DLG2: variants seen among roughly 807,000 people sequenced by gnomAD.
DLG2 encodes disks large homolog 2.
DLG2 carries 45 observed loss-of-function variants against 132.5 expected under a neutral mutation model. The ratio of observed to expected loss-of-function variants is 0.34; its 90% CI spans 0.27 to 0.44. The LOEUF (loss-of-function observed/expected upper bound fraction) is 0.44. Ranked by LOEUF, DLG2 falls within the 20% of genes least tolerant of loss-of-function variation. The pLI is 1.00. For synonymous variants in DLG2, 424 were observed against 419.6 expected (o/e 1.01, Z -0.13); for missense variants, 1,045 against 1,196.9 (o/e 0.87, Z 1.87).
chr11:83,811,904 T>A (rs1021268066), intron 17 of DLG2, among the ~76,000 whole-genome samples: 1 of 152,148 alleles, frequency 6.6e-6, no homozygotes, highest in African/African-American at 2.4e-5. Context: ...GCTGTATATG[T>A]GGCAGAGACT....
chr11:85,272,804 T>G (rs2077624365), intron 4 of DLG2, among the ~76,000 whole-genome samples: 1 of 152,054 alleles, frequency 6.6e-6, no homozygotes, highest in Non-Finnish European at 1.5e-5. Context: ...AAGACAATAC[T>G]AAGCAAAAAG....
intron 3 of DLG2, among the ~76,000 whole-genome samples, chr11:85,343,278 T>C (rs1488784204): frequency 6.6e-6 from 1 of 152,194 alleles, no homozygotes; most frequent in Non-Finnish European, 1.5e-5. Flanking sequence ...GGGACAAAAC[T>C]AGTAGCCCTT....
chr11:84,042,228 T>C (rs951374054), intron 11 of DLG2, among the ~76,000 whole-genome samples: 4 of 151,904 alleles, frequency 2.6e-5, no homozygotes, highest in African/African-American at 9.7e-5. Flanking sequence ...GCCAACTATA[T>C]TATAAACTAA....
intron 6 of DLG2, among the ~76,000 whole-genome samples, chr11:84,944,506 C>T (rs369333509): frequency 4.5e-4 from 69 of 151,926 alleles, no homozygotes; most frequent in African/African-American, 9.9e-4. Context: ...TGATCAGTTC[C>T]GCTGTTGAGA....
chr11:84,636,010 T>C (rs1290400194), intron 6 of DLG2, among the ~76,000 whole-genome samples: 1 of 152,254 alleles, frequency 6.6e-6, no homozygotes, highest in African/African-American at 2.4e-5. Context: ...TAGTTTACCA[T>C]GGTTTGAGAA....
intron 6 of DLG2, among the ~76,000 whole-genome samples, chr11:84,846,482 G>A (rs1243209516): frequency 6.6e-6 from 1 of 152,040 alleles, no homozygotes; most frequent in Non-Finnish European, 1.5e-5. Flanking sequence ...ATAGTTTACT[G>A]CTCTCTATCT....
At chr11:85,438,196 C>T (rs1007292923) in intron 3 of DLG2, among the ~76,000 whole-genome samples, 1 of 152,076 alleles carries the variant, frequency 6.6e-6, no homozygotes, top group Non-Finnish European at 1.5e-5. Flanking sequence ...CACTCATTAC[C>T]CTAAGGATGG....
chr11:84,663,243 A>AT (rs1445208146), intron 6 of DLG2, among the ~76,000 whole-genome samples: 3 of 65,268 alleles, frequency 4.6e-5, no homozygotes, highest in Non-Finnish European at 9.0e-5. Flanking sequence ...ATATATATAT[A>AT]TATATATTTT....
chr11:85,281,471 T>C (rs1181045305), intron 4 of DLG2, among the ~76,000 whole-genome samples: 1 of 152,026 alleles, frequency 6.6e-6, no homozygotes, highest in Non-Finnish European at 1.5e-5. Flanking sequence ...TGGAAACTAA[T>C]AATGAGTTCA....
intron 6 of DLG2, among the ~76,000 whole-genome samples, chr11:84,579,191 G>GTA (rs144862848): frequency 0.044 from 6,335 of 144,518 alleles, 157 homozygotes; most frequent in South Asian, 0.069. Flanking sequence ...TTATTCACGT[G>GTA]TGTGTGTGTG....
At chr11:84,983,135 G>A (rs1448909362) in intron 6 of DLG2, among the ~76,000 whole-genome samples, 1 of 152,182 alleles carries the variant, frequency 6.6e-6, no homozygotes, top group East Asian at 1.9e-4. Flanking sequence ...ACAGAGCAGT[G>A]TGTGGAGGCT....
chr11:84,733,130 AT>A (rs1943162776), intron 6 of DLG2, among the ~76,000 whole-genome samples: 1 of 152,198 alleles, frequency 6.6e-6, no homozygotes, highest in Non-Finnish European at 1.5e-5. Context: ...TAGCAGCATG[AT>A]TTATAATCCT....
intron 3 of DLG2, among the ~76,000 whole-genome samples, chr11:85,425,579 C>G (rs2090651638): frequency 6.6e-6 from 1 of 152,086 alleles, no homozygotes. Context: ...ATAAAAGTAC[C>G]TGTACCCTTT....
intron 7 of DLG2, among the ~76,000 whole-genome samples, chr11:84,371,989 ATCT>A (rs1241454329): frequency 5.9e-5 from 9 of 152,184 alleles, no homozygotes; most frequent in African/African-American, 1.7e-4. Flanking sequence ...GCATGTTCAG[ATCT>A]TCTTGTTAGG....
At chr11:85,191,977 T>C (rs1431999326) in intron 4 of DLG2, among the ~76,000 whole-genome samples, 1 of 152,116 alleles carries the variant, frequency 6.6e-6, no homozygotes, top group African/African-American at 2.4e-5. Context: ...CTATGAAAAA[T>C]GTATTATTGC....
chr11:84,009,667 G>T (rs778377131), intron 11 of DLG2, among the ~76,000 whole-genome samples: 1 of 152,068 alleles, frequency 6.6e-6, no homozygotes, highest in Non-Finnish European at 1.5e-5. Flanking sequence ...ATGCTGTGCA[G>T]TGTGGAGTTT....
intron 11 of DLG2, among the ~76,000 whole-genome samples, chr11:83,998,292 G>A (rs1184857284): frequency 6.6e-6 from 1 of 152,092 alleles, no homozygotes; most frequent in East Asian, 1.9e-4. Context: ...AAATATTTTT[G>A]TTATAAAATA....
At chr11:84,232,865 T>C (rs866013849) in intron 8 of DLG2, among the ~76,000 whole-genome samples, 7 of 152,294 alleles carry the variant, frequency 4.6e-5, no homozygotes, top group African/African-American at 1.4e-4. Context: ...GGCCATGATA[T>C]AGGAGAGCTC....
chr11:84,178,418 A>G (rs2096027954), intron 8 of DLG2, among the ~76,000 whole-genome samples: 1 of 152,122 alleles, frequency 6.6e-6, no homozygotes, highest in African/African-American at 2.4e-5. Context: ...TTGAGTGCAT[A>G]TGAAAGGTCG....
Sources: gnomAD v4.1 joint callset for allele counts (sites outside exome capture counted in the v4.1 genomes callset) on GRCh38, gnomAD v4.1.1 for gene constraint, MANE v1.5 for transcripts, NCBI Gene and HGNC (gene_info 2026-07-23, HGNC 2026-07-21) for gene names.